The following ADAM12 variants were observed in gnomAD, a reference collection of about 807,000 sequenced individuals.
The protein encoded by ADAM12 is disintegrin and metalloproteinase domain-containing protein 12.
Under a neutral mutation model 106.4 loss-of-function variants are expected in ADAM12, and 70 were observed. The observed-to-expected ratio is 0.66, with a 90% confidence interval of 0.54 to 0.80. The LOEUF (loss-of-function observed/expected upper bound fraction) is 0.80, where lower values mean the gene tolerates loss of function less well. Ranked by LOEUF, ADAM12 falls within the 30% of genes least tolerant of loss-of-function variation. The pLI is 0.00. For missense variants in ADAM12, 1,010 were observed against 1,171.9 expected, an observed-to-expected ratio of 0.86 and a Z score of 2.02; for synonymous variants, 420 against 433.5, an observed-to-expected ratio of 0.97 and a Z score of 0.39.
intron 1 of ADAM12, among the ~76,000 whole-genome samples, chr10:126,356,150 G>C (rs1008743631): frequency 3.9e-5 from 6 of 152,212 alleles, no homozygotes; most frequent in African/African-American, 1.4e-4. Context: ...TGAAGCACCA[G>C]ATAATCCCAT....
At chr10:126,169,293 G>A (rs185183603) in intron 3 of ADAM12, among the ~76,000 whole-genome samples, 3 of 152,254 alleles carry the variant, frequency 2.0e-5, no homozygotes, top group East Asian at 1.9e-4. Flanking sequence ...TCCTAAATGC[G>A]GTTCTCCTTG....
intron 3 of ADAM12, among the ~76,000 whole-genome samples, chr10:126,248,803 T>G (rs1384956293): frequency 6.6e-6 from 1 of 152,000 alleles, no homozygotes; most frequent in Non-Finnish European, 1.5e-5. Flanking sequence ...CCTCCTGGGT[T>G]CAAGTGATTC....
At chr10:126,326,807 C>G (rs1203492883) in intron 2 of ADAM12, among the ~76,000 whole-genome samples, 1 of 152,130 alleles carries the variant, frequency 6.6e-6, no homozygotes, top group East Asian at 1.9e-4. Flanking sequence ...GGATGCTCTT[C>G]CCCAGAACTC....
In ADAM12 at chr10:126,043,036, T is replaced by C. The variant is rs151219046; in HGVS notation, c.2104+4A>G. 279 of 1,613,932 alleles carry C rather than the reference T, an allele frequency of 1.7e-4. No homozygotes were observed. The African/African-American group carries it at 3.4e-3, about 20-fold the overall frequency. On this transcript the variant is annotated splice_donor_region_variant and intron_variant, in intron 18 of 22. Coordinates refer to ENST00000448723, the MANE Select transcript of ADAM12 (RefSeq NM_001288973.2). The surrounding 1 kb of genome is among the most constrained non-coding windows in gnomAD (Gnocchi z 4.1). ...TCCCACCGGGATGCAGGGGCTTCAC[T>C]GACCTGCTTGCCGGATGGGGCCGCT...
chr10:126,176,280 A>G (rs1565116908), intron 3 of ADAM12, among the ~76,000 whole-genome samples: 2 of 152,244 alleles, frequency 1.3e-5, no homozygotes, highest in Non-Finnish European at 2.9e-5. Context: ...CCTTTGGCTC[A>G]AAGAGCTCAC....
chr10:126,090,315 A>C (rs1054887446), intron 11 of ADAM12, among the ~76,000 whole-genome samples: 1 of 147,318 alleles, frequency 6.8e-6, no homozygotes, highest in African/African-American at 2.4e-5. Flanking sequence ...CTTTCTGCAA[A>C]AAAAAAAAAA....
intron 18 of ADAM12, 111 bp from the exon 19 acceptor site, chr10:126,039,540 A>G: frequency 1.5e-6 from 2 of 1,340,260 alleles, no homozygotes; most frequent in Admixed American, 3.6e-5. Flanking sequence ...AGAAATGAAG[A>G]GAGTACACCC....
At position 126,071,814 on chromosome 10, in the gene ADAM12, C is replaced by T. The variant is rs116085183; in HGVS notation, c.1146-160G>A. Among the ~76,000 whole-genome samples, 1,240 of 152,294 alleles carry T rather than the reference C, an allele frequency of 8.1e-3. 20 individuals are homozygous for T. Among genetic ancestry groups the T allele is most frequent in the African/African-American group, 0.028 (1,156 of 41,544 alleles). On this transcript the variant is annotated intron_variant, in intron 11 of 22. Coordinates refer to ENST00000448723, the MANE Select transcript of ADAM12 (RefSeq NM_001288973.2). Reference sequence around the variant, plus strand: ...ATCAAAAAACTCAGATATGCAGTGTCAAGTGAGGCACATTCAGTTCCATCC... The same window carrying T: ...ATCAAAAAACTCAGATATGCAGTGTTAAGTGAGGCACATTCAGTTCCATCC...
chr10:126,019,940 A>G, intron 21 of ADAM12, 115 bp from the exon 22 acceptor site: 1 of 1,260,660 alleles, frequency 7.9e-7, no homozygotes, highest in Non-Finnish European at 1.1e-6. Context: ...TCCTGTCACC[A>G]TACAAGGTGG....
chr10:126,183,163 G>A (rs917621679), intron 3 of ADAM12, among the ~76,000 whole-genome samples: 2 of 152,176 alleles, frequency 1.3e-5, no homozygotes, highest in African/African-American at 4.8e-5. Context: ...CCCCAGATGG[G>A]ACCGTCTAGT....
intron 2 of ADAM12, among the ~76,000 whole-genome samples, chr10:126,308,571 T>C (rs960080795): frequency 3.9e-5 from 6 of 152,270 alleles, no homozygotes; most frequent in African/African-American, 1.2e-4. Context: ...TGTTTGATAG[T>C]ATAAAAGCAA....
At chr10:126,339,525 C>G (rs905916824) in intron 1 of ADAM12, among the ~76,000 whole-genome samples, 6 of 152,194 alleles carry the variant, frequency 3.9e-5, no homozygotes, top group African/African-American at 1.4e-4. Context: ...GCTCCTAGTA[C>G]TTAACTGAAT....
chr10:126,376,243 G>C (rs191717172), intron 1 of ADAM12, among the ~76,000 whole-genome samples: 281 of 152,030 alleles, frequency 1.8e-3, no homozygotes, highest in Non-Finnish European at 3.5e-3. Flanking sequence ...CCTATGATTT[G>C]AATCATCAGG....
chr10:126,326,429 C>T (rs903775171), intron 2 of ADAM12, among the ~76,000 whole-genome samples: 56 of 152,272 alleles, frequency 3.7e-4, no homozygotes, highest in Non-Finnish European at 7.5e-4. Context: ...CTCCTGCCAC[C>T]TATGTAGCCA....
In ADAM12 at chr10:126,046,207, C is replaced by T. The variant is rs1613306; in HGVS notation, c.1918-75G>A. 4,078 of 1,386,030 alleles carry T rather than the reference C, an allele frequency of 2.9e-3. 91 individuals carry two copies. The African/African-American group carries it at 0.05, about 17-fold the overall frequency. 85.9% of individuals were successfully genotyped at this position (1,386,030 alleles called of 1,614,324 possible). On this transcript the variant is annotated intron_variant, in intron 16 of 22. Coordinates refer to ENST00000448723, the MANE Select transcript of ADAM12 (RefSeq NM_001288973.2). ...TCCAGCATGCATACATACCTGTATT[C>T]AAACAAAAAGCAAGCAAAAGAAAGC...
At chr10:126,199,197 A>T (rs1026514762) in intron 3 of ADAM12, among the ~76,000 whole-genome samples, 1 of 152,230 alleles carries the variant, frequency 6.6e-6, no homozygotes, top group African/African-American at 2.4e-5. Flanking sequence ...TGGGGCAATT[A>T]TCTAGATGAT....
chr10:126,034,415 CA>C (rs892312127), intron 21 of ADAM12, among the ~76,000 whole-genome samples: 2 of 151,050 alleles, frequency 1.3e-5, no homozygotes, highest in East Asian at 2.0e-4. Context: ...TGTAATCATA[CA>C]AAAAAAATAC....
At chr10:126,138,171 T>C (rs1956440646) in intron 4 of ADAM12, among the ~76,000 whole-genome samples, 2 of 152,218 alleles carry the variant, frequency 1.3e-5, no homozygotes. Context: ...GATCTTTTCA[T>C]GTGTTTATTG....
Position 126,049,792 on chromosome 10 carries a change from C to T in ADAM12, c.1610-123G>A, listed in dbSNP as rs1184906879. The stretch of plus-strand genomic sequence containing the variant: ...AAGCAATCACACCCAGTGTCTGTCC[C>T]GACTCATGGTGGGAGCTGGCCAGGG... On this transcript the variant is annotated intron_variant, in intron 14 of 22. Transcript: ENST00000448723. This position sits in a 1 kb window ranked among gnomAD's most constrained non-coding sequence, Gnocchi z 4.4. 2.7e-5 allele frequency: 23 copies of T among 867,810 alleles called. No homozygotes were observed. Among genetic ancestry groups the T allele is most frequent in the African/African-American group, 6.8e-5 (4 of 58,636 alleles). The allele number at this position is 867,810 out of a possible 1,614,324, so 53.8% of individuals were successfully genotyped here.
Sources: allele counts gnomAD v4.1 joint callset (sites outside exome capture counted in the v4.1 genomes callset), GRCh38; gene constraint gnomAD v4.1.1; non-coding constraint Gnocchi (gnomAD v3.1); transcripts MANE v1.5; gene names NCBI Gene and HGNC (gene_info 2026-07-23, HGNC 2026-07-21).